PRRT4: variants seen among roughly 807,000 people sequenced by gnomAD.
PRRT4 encodes proline rich transmembrane protein 4.
In PRRT4, 59 loss-of-function variants were observed where a neutral mutation model predicts 55.6. The ratio of observed to expected loss-of-function variants is 1.06; its 90% confidence interval spans 0.86 to 1.32. PRRT4 has a LOEUF of 1.32. Among genes scored for constraint, PRRT4 ranks in the 40% most tolerant of loss-of-function variants. The probability of loss-of-function intolerance (pLI) is 0.00; values close to 1 mark genes in which losing one functional copy is unlikely to be tolerated. For missense variants in PRRT4, 1,217 were observed against 1,222.0 expected (o/e 1.00, Z 0.06); for synonymous variants, 606 against 601.8 (o/e 1.01, Z -0.10).
exon 5 of PRRT4, chr7:128,351,856 A>C: frequency 7.4e-7 from 1 of 1,346,060 alleles, no homozygotes; most frequent in South Asian, 1.9e-5. Flanking sequence ...CAGCAGCCCG[A>C]AGGTGCCCGC....
exon 5 of PRRT4, chr7:128,352,668 G>A (rs1231222454): frequency 5.2e-6 from 8 of 1,527,764 alleles, no homozygotes; most frequent in Middle Eastern, 4.0e-4. Context: ...CAGAGATGGG[G>A]ACTGTGGGGT....
chr7:128,350,851 C>A, downstream of PRRT4: 2 of 1,550,394 alleles, frequency 1.3e-6, no homozygotes, highest in Non-Finnish European at 1.7e-6. Flanking sequence ...AAGGTGGCCA[C>A]CTCTTCACAG....
At chr7:128,359,119 C>G in intron 3 of PRRT4, 30 bp downstream of exon 4, 1 of 1,544,444 alleles carries the variant, frequency 6.5e-7, no homozygotes, top group East Asian at 2.4e-5. Flanking sequence ...GAGTGTTCCA[C>G]AATAGTTTAT....
chr7:128,357,240 T>A (rs62481083), intron 4 of PRRT4, among the ~76,000 whole-genome samples: 84,216 of 121,430 alleles, frequency 0.69, 27,894 homozygotes, highest in Middle Eastern at 0.79. Flanking sequence ...ACACACACTC[T>A]CTCTCTCTCT....
downstream of PRRT4, chr7:128,350,828 A>G: frequency 6.5e-7 from 1 of 1,547,286 alleles, no homozygotes; most frequent in Non-Finnish European, 8.7e-7. Flanking sequence ...AAAGGGGCAT[A>G]TCGCAGGGTA....
chr7:128,354,954 C>T (rs1017478193), intron 4 of PRRT4, among the ~76,000 whole-genome samples: 14 of 152,144 alleles, frequency 9.2e-5, no homozygotes, highest in African/African-American at 3.4e-4. Flanking sequence ...AAGATTGTGT[C>T]GTTATCATGA....
At chr7:128,359,666 G>C (rs1391804406) in exon 2 of PRRT4, 1 of 1,550,714 alleles carries the variant, frequency 6.4e-7, no homozygotes, top group African/African-American at 1.4e-5. Flanking sequence ...CTCAGTGAGA[G>C]AGTTCCCTGA....
chr7:128,355,580 G>T (rs182607209), intron 4 of PRRT4, among the ~76,000 whole-genome samples: 152 of 152,302 alleles, frequency 1.0e-3, no homozygotes, highest in Admixed American at 2.4e-3. Flanking sequence ...TACTTAGCTG[G>T]GAATGGAGAG....
chr7:128,350,493 T>G, downstream of PRRT4: 1 of 274,486 alleles, frequency 3.6e-6, no homozygotes, highest in Non-Finnish European at 7.0e-6. Context: ...TAGGGGGGCC[T>G]GAGGCAGGTC....
At chr7:128,352,185 C>CCGGGCCAGCAGCAGG (rs763691308) in exon 5 of PRRT4, 5 of 1,429,572 alleles carry the variant, frequency 3.5e-6, no homozygotes, top group South Asian at 1.5e-5. Flanking sequence ...GCGGGCGCGG[C>CCGGGCCAGCAGCAGG]CGGGCCAGCA....
intron 4 of PRRT4, among the ~76,000 whole-genome samples, chr7:128,353,740 A>G (rs2116458859): frequency 6.6e-6 from 1 of 152,296 alleles, no homozygotes. Flanking sequence ...CCCAGGGAGA[A>G]ACTCTTGGGG....
chr7:128,360,607 G>A (rs1797225860), intron 1 of PRRT4, among the ~76,000 whole-genome samples: 1 of 152,164 alleles, frequency 6.6e-6, no homozygotes, highest in African/African-American at 2.4e-5. Flanking sequence ...CCAGTCAGAA[G>A]GCCGCCCAGG....
At chr7:128,357,111 G>A (rs1348700919) in intron 4 of PRRT4, among the ~76,000 whole-genome samples, 1 of 152,096 alleles carries the variant, frequency 6.6e-6, no homozygotes, top group Non-Finnish European at 1.5e-5. Context: ...CCTAAGGCAA[G>A]GAGGGCCTAG....
At chr7:128,361,793 G>T (rs1411145289), upstream of PRRT4, 2 of 152,566 alleles carry the variant, frequency 1.3e-5, no homozygotes, top group Non-Finnish European at 1.5e-5. Context: ...CCACACCCGG[G>T]CGGGCAGGCA....
rs1456337932 is a variant in PRRT4 at position 128,358,279 on chromosome 7, T to C, written c.877+402A>G. Among the ~76,000 whole-genome samples the C allele has an allele frequency of 6.6e-6, 1 of 152,194 alleles. No homozygotes were observed. Among genetic ancestry groups the C allele is most frequent in the African/African-American group, 2.4e-5 (1 of 41,430 alleles). On this transcript the variant is annotated intron_variant, in intron 4 of 4. Coordinates refer to ENST00000535159, the Ensembl canonical transcript of PRRT4. The surrounding 1 kb of genome is among the most constrained non-coding windows in gnomAD (Gnocchi z 4.4). ...AATGAGAAACCCAGCTCTTCCCATA[T>C]CTGACAGCATGTCATGTCAGATCAG...
exon 5 of PRRT4, chr7:128,351,465 G>T (rs1796966284): frequency 1.3e-6 from 2 of 1,521,662 alleles, no homozygotes; most frequent in Admixed American, 4.0e-5. Context: ...CCGCGCCTTC[G>T]AAGCCCCGGC....
chr7:128,360,944 A>G (rs1375216406), intron 1 of PRRT4, among the ~76,000 whole-genome samples: 1 of 151,484 alleles, frequency 6.6e-6, no homozygotes, highest in African/African-American at 2.4e-5. Context: ...CGCCCGTGAC[A>G]CACTCACCCG....
Position 128,355,170 on chromosome 7 carries a change from TTAAC to T in PRRT4, c.878-2496_878-2493del, listed in dbSNP as rs1329695596. 5.3e-5 allele frequency among the ~76,000 whole-genome samples: 8 copies of T among 152,248 alleles called. No individual in the cohort carries two copies. In the South Asian group the frequency reaches 1.2e-3, roughly 24 times the overall value. On this transcript the variant is annotated intron_variant, in intron 4 of 4. Coordinates refer to ENST00000535159, the Ensembl canonical transcript of PRRT4. Reference sequence around the variant, plus strand: ...CATTGTCTCACTTTATGAACTCTGTTTAACTAATAACTTTGGGTTTTTTGTTTGT... The same window carrying T: ...CATTGTCTCACTTTATGAACTCTGTTTAATAACTTTGGGTTTTTTGTTTGT...
At chr7:128,356,427 A>G (rs57689361) in intron 4 of PRRT4, among the ~76,000 whole-genome samples, 3,213 of 152,182 alleles carry the variant, frequency 0.021, 125 homozygotes, top group African/African-American at 0.073. Context: ...GGACAGGTGG[A>G]AAAAAAACCT....
Sources: allele counts gnomAD v4.1 joint callset (sites outside exome capture counted in the v4.1 genomes callset), GRCh38; gene constraint gnomAD v4.1.1; non-coding constraint Gnocchi (gnomAD v3.1); transcripts MANE v1.5; gene names NCBI Gene and HGNC (gene_info 2026-07-23, HGNC 2026-07-21).